ZFP69: variants seen among roughly 807,000 people sequenced by gnomAD.
ZFP69 encodes ZFP69 zinc finger protein, also known as zinc finger protein 69 homolog.
A neutral mutation model predicts 48.9 loss-of-function variants in ZFP69; 35 were observed. The observed-to-expected ratio is 0.72, with a 90% CI of 0.55 to 0.95. The LOEUF is 0.95. Among genes scored for constraint, ZFP69 ranks in the 40% least tolerant of loss-of-function variants. The pLI is 0.00. For missense variants in ZFP69, 557 were observed against 638.4 expected (o/e 0.87, Z 1.37); for synonymous variants, 193 against 216.8 (o/e 0.89, Z 0.96).
intron 5 of ZFP69, among the ~76,000 whole-genome samples, chr1:40,490,457 C>T (rs1191005661): frequency 1.3e-5 from 2 of 152,162 alleles, no homozygotes; most frequent in Admixed American, 6.5e-5. Flanking sequence ...TAATATCACC[C>T]GTCCCTTCCT....
Position 40,495,334 on chromosome 1 carries a change from C to T in ZFP69, c.856C>T (p.Leu286Phe). 2 of 1,614,076 alleles carry T rather than the reference C, an allele frequency of 1.2e-6. No individual in the cohort carries two copies. The highest frequency in any genetic ancestry group is 1.7e-6 in the Non-Finnish European group (2 of 1,180,004). The stretch of plus-strand genomic sequence containing the variant: ...AAAAATCTTCAAACAACCTATTCAC[C>T]TTACTGAACATATGAGAATTCATAC... Reference protein sequence around the residue: ...CEKIFKQPIHLTEHMRIHTGE... With the variant: ...CEKIFKQPIHFTEHMRIHTGE... The change falls in exon 6 of 6, where the codon CTT becomes TTT. Residue 286 changes from leucine to phenylalanine, a missense_variant. Physicochemically the swap from Leu to Phe is conservative, Grantham distance 22. Transcript: ENST00000372706.
chr1:40,495,869 T>C lies in ZFP69; in HGVS notation c.1391T>C (p.Val464Ala), dbSNP rs772464976. The change falls in exon 6 of 6, where the codon GTG (valine) becomes GCG (alanine). Residue 464 changes from valine (V) to alanine (A), a missense_variant. Physicochemically the swap from Val to Ala is moderately conservative, Grantham distance 64. Transcript: ENST00000372706. Reference sequence around the variant, plus strand: ...AACCATAAAACTGTTCATACAGGAGTGAAAGCATATGAATGCAACCGCTGT... The same window carrying C: ...AACCATAAAACTGTTCATACAGGAGCGAAAGCATATGAATGCAACCGCTGT... The part of the protein sequence containing the change: ...LSNHKTVHTG[V>A]KAYECNRCGK... 2 of 1,614,014 alleles carry C rather than the reference T, an allele frequency of 1.2e-6. No homozygotes were observed. Among genetic ancestry groups the C allele is most frequent in the South Asian group, 2.2e-5 (2 of 91,080 alleles).
intron 1 of ZFP69, among the ~76,000 whole-genome samples, chr1:40,478,816 C>A (rs962554915): frequency 1.3e-5 from 2 of 152,086 alleles, no homozygotes; most frequent in Admixed American, 1.3e-4. Flanking sequence ...GATTTCAAAG[C>A]CTGCCCTCTT....
rs1394034353 is a variant in ZFP69 at position 40,496,323 on chromosome 1, A to T, written c.*264A>T. On this transcript the variant is annotated 3_prime_UTR_variant, in exon 6 of 6. Transcript: ENST00000372706. ...TTTTTTCTGATTTCATGGTGGATTA[A>T]TAAATTATTCTTCATGGGTATTCAT... 1 of 300,078 alleles carries T rather than the reference A, an allele frequency of 3.3e-6. No homozygotes were observed. Among genetic ancestry groups the T allele is most frequent in the African/African-American group, 2.1e-5 (1 of 46,558 alleles). The allele number at this position is 300,078 out of a possible 1,614,324, so 18.6% of individuals were successfully genotyped here. A position where few individuals can be genotyped will look rare whatever the true frequency, so the allele number is the denominator to read the frequency against.
intron 3 of ZFP69, among the ~76,000 whole-genome samples, chr1:40,485,399 T>C (rs1208900040): frequency 1.3e-5 from 2 of 152,180 alleles, no homozygotes; most frequent in African/African-American, 4.8e-5. Flanking sequence ...TATATTTTCA[T>C]ATACTCCTTC....
chr1:40,482,897 C>T lies in ZFP69; in HGVS notation c.219+1043C>T, dbSNP rs1303648068. On this transcript the variant is annotated intron_variant, in intron 3 of 5. Coordinates refer to ENST00000372706, the MANE Select transcript of ZFP69 (RefSeq NM_001320179.2). The stretch of plus-strand genomic sequence containing the variant: ...ATCACAGTAATTAGAAACTTTAACA[C>T]TTCTTTCTCAGTAATTGATGTAACC... Among the ~76,000 whole-genome samples, 5 of 152,170 alleles carry T rather than the reference C, an allele frequency of 3.3e-5. No homozygotes were observed. The East Asian group carries it at 7.7e-4, about 23-fold the overall frequency.
At chr1:40,480,069 C>T (rs1327678992) in intron 2 of ZFP69, among the ~76,000 whole-genome samples, 1 of 152,140 alleles carries the variant, frequency 6.6e-6, no homozygotes, top group Non-Finnish European at 1.5e-5. Flanking sequence ...GCTTTACACT[C>T]AGCCAGTATT....
intron 5 of ZFP69, among the ~76,000 whole-genome samples, chr1:40,490,505 T>C (rs1645556823): frequency 6.6e-6 from 1 of 152,168 alleles, no homozygotes; most frequent in African/African-American, 2.4e-5. Context: ...AAAAGTCCCC[T>C]GGAGTTGGAG....
chr1:40,496,077 G>A lies in ZFP69; in HGVS notation c.*18G>A, dbSNP rs768833216. The stretch of plus-strand genomic sequence containing the variant: ...AGGTGTAAAAACAGATATTTGACTT[G>A]AGAACAAAAGCCAAGTGTAAATTGG... On this transcript the variant is annotated 3_prime_UTR_variant, in exon 6 of 6. Coordinates refer to ENST00000372706, the MANE Select transcript of ZFP69 (RefSeq NM_001320179.2). 4.9e-5 allele frequency: 75 copies of A among 1,537,770 alleles called. No individual in the cohort carries two copies. The highest frequency in any genetic ancestry group is 5.9e-5 in the Non-Finnish European group (68 of 1,145,542).
chr1:40,489,579 G>C lies in ZFP69; in HGVS notation c.397G>C (p.Glu133Gln). 1 of 1,613,754 alleles carries C rather than the reference G, an allele frequency of 6.2e-7. No individual in the cohort carries two copies. Among genetic ancestry groups the C allele is most frequent in the South Asian group, 1.1e-5 (1 of 91,056 alleles). The change falls in exon 5 of 6, where the codon GAG becomes CAG. Residue 133 changes from glutamate to glutamine, a missense_variant. Glu to Gln is a conservative substitution (Grantham distance 29). Transcript: ENST00000372706. ...GATATCCCAGTTAGAGAAAGGAGAA[G>C]AGCCATGGATGGCAGAGAAAGAAGG... Reference protein sequence around the residue: ...SVISQLEKGEEPWMAEKEGPG... With the variant: ...SVISQLEKGEQPWMAEKEGPG...
chr1:40,489,866 C>CTTTT (rs374820239), intron 5 of ZFP69, among the ~76,000 whole-genome samples: 24 of 115,386 alleles, frequency 2.1e-4, no homozygotes, highest in South Asian at 5.5e-4. Context: ...TTTTCTTTTT[C>CTTTT]TTTTTTTTTT....
At chr1:40,480,324 G>C (rs770956391) in intron 2 of ZFP69, among the ~76,000 whole-genome samples, 14 of 149,856 alleles carry the variant, frequency 9.3e-5, no homozygotes, top group Non-Finnish European at 1.9e-4. Context: ...GGAGTGCAGT[G>C]GTGCAATCTC....
intron 3 of ZFP69, among the ~76,000 whole-genome samples, chr1:40,488,794 G>A (rs1185405227): frequency 6.6e-6 from 1 of 152,044 alleles, no homozygotes; most frequent in African/African-American, 2.4e-5. Context: ...CCCTCACTGT[G>A]GTTCTCCCAA....
chr1:40,479,597 G>T, intron 2 of ZFP69, 109 bp downstream of exon 2: 1 of 1,379,316 alleles, frequency 7.2e-7, no homozygotes, highest in Non-Finnish European at 9.6e-7. Flanking sequence ...GTCTCTGGGG[G>T]TTCATTCTTG....
chr1:40,481,634 G>A (rs566447903), intron 2 of ZFP69, 129 bp from the exon 3 acceptor site: 3 of 594,728 alleles, frequency 5.0e-6, no homozygotes, highest in South Asian at 6.3e-5. Context: ...GGCTGCTCTT[G>A]AGTCACTCTC....
At chr1:40,493,827 C>T (rs545807024) in intron 5 of ZFP69, 77 of 152,124 alleles carry the variant, frequency 5.1e-4, no homozygotes, top group Middle Eastern at 3.4e-3. Context: ...TACATAAAGA[C>T]CTGTCAGTTG....
At chr1:40,480,543 A>G (rs1645433663) in intron 2 of ZFP69, among the ~76,000 whole-genome samples, 2 of 151,450 alleles carry the variant, frequency 1.3e-5, no homozygotes, top group Admixed American at 1.3e-4. Context: ...TTGAAAGAAC[A>G]TTTTAGTCTT....
At position 40,479,081 on chromosome 1, in the gene ZFP69, C is replaced by T; in HGVS notation, c.-281C>T. On this transcript the variant is annotated 5_prime_UTR_variant, in exon 2 of 6. Transcript: ENST00000372706. ...AGTGCTTCTGGATCCCTCTTCCCTTCCCTTTTGCTCCTCTAAAGAGTATGG... is the reference window on the plus strand; with the variant it reads ...AGTGCTTCTGGATCCCTCTTCCCTTTCCTTTTGCTCCTCTAAAGAGTATGG... 1 of 280,696 alleles carries T rather than the reference C, an allele frequency of 3.6e-6. No homozygotes were observed. Among genetic ancestry groups the T allele is most frequent in the Non-Finnish European group, 6.8e-6 (1 of 146,084 alleles). The allele number at this position is 280,696 out of a possible 1,614,324, so 17.4% of individuals were successfully genotyped here. A position where few individuals can be genotyped will look rare whatever the true frequency, so the allele number is the denominator to read the frequency against.
intron 5 of ZFP69, among the ~76,000 whole-genome samples, chr1:40,490,301 G>C (rs977392437): frequency 6.6e-6 from 1 of 152,132 alleles, no homozygotes; most frequent in African/African-American, 2.4e-5. Flanking sequence ...TGCAACACTG[G>C]GGATCACATT....
Sources: allele counts gnomAD v4.1 joint callset (sites outside exome capture counted in the v4.1 genomes callset), GRCh38; gene constraint gnomAD v4.1.1; transcripts MANE v1.5; gene names NCBI Gene and HGNC (gene_info 2026-07-23, HGNC 2026-07-21).